The following MAGI1 variants were observed in gnomAD, a reference collection of about 807,000 sequenced individuals.
MAGI1 encodes membrane-associated guanylate kinase, WW and PDZ domain-containing protein 1.
A neutral mutation model predicts 139.9 loss-of-function variants in MAGI1; 58 were observed. That is an observed-to-expected ratio of 0.41 (90% CI 0.34 to 0.52). The LOEUF (loss-of-function observed/expected upper bound fraction) is 0.52, where lower values mean the gene tolerates loss of function less well. Among genes scored for constraint, MAGI1 ranks in the 20% least tolerant of loss-of-function variants. MAGI1 has a pLI of 0.12. For missense variants in MAGI1, 1,874 were observed against 1,901.6 expected (o/e 0.99, Z 0.27); for synonymous variants, 812 against 737.9 (o/e 1.10, Z -1.63).
intron 1 of MAGI1, among the ~76,000 whole-genome samples, chr3:65,985,500 T>C (rs575508632): frequency 5.9e-5 from 9 of 152,336 alleles, no homozygotes; most frequent in African/African-American, 1.4e-4. Flanking sequence ...TCAAGTCTCA[T>C]TGAAAATTCC....
chr3:66,001,176 G>C (rs1248659620), intron 1 of MAGI1, among the ~76,000 whole-genome samples: 1 of 152,114 alleles, frequency 6.6e-6, no homozygotes, highest in Non-Finnish European at 1.5e-5. Flanking sequence ...TCAAGGCCAT[G>C]GTATTTGAGC....
At chr3:65,691,297 C>T (rs1206245441) in intron 1 of MAGI1, among the ~76,000 whole-genome samples, 19 of 75,806 alleles carry the variant, frequency 2.5e-4, no homozygotes, top group East Asian at 5.8e-4. Flanking sequence ...AGCAAGACTC[C>T]GTCTCAAAAA....
intron 1 of MAGI1, among the ~76,000 whole-genome samples, chr3:65,950,068 A>AAC (rs2063738220): frequency 2.1e-4 from 1 of 4,824 alleles, no homozygotes; most frequent in Non-Finnish European, 8.7e-4. Flanking sequence ...ACAAAAAAAC[A>AAC]AAAAAAAAAC....
At chr3:65,868,525 T>A (rs754180322) in intron 1 of MAGI1, among the ~76,000 whole-genome samples, 93 of 152,146 alleles carry the variant, frequency 6.1e-4, no homozygotes, top group Non-Finnish European at 1.1e-3. Flanking sequence ...TGCCTTAGTG[T>A]CTCATTGTAT....
chr3:65,504,575 G>C (rs2107714583), intron 2 of MAGI1, among the ~76,000 whole-genome samples: 1 of 152,300 alleles, frequency 6.6e-6, no homozygotes, highest in Non-Finnish European at 1.5e-5. Context: ...GGATAAACTA[G>C]TGGAGGAGCG....
intron 1 of MAGI1, among the ~76,000 whole-genome samples, chr3:65,865,375 C>T (rs2059687996): frequency 2.0e-5 from 3 of 152,078 alleles, no homozygotes; most frequent in Admixed American, 2.0e-4. Context: ...ACGAGGCAAT[C>T]GCTTGAGCTG....
At chr3:65,577,551 A>G (rs187841421) in intron 2 of MAGI1, among the ~76,000 whole-genome samples, 3 of 152,230 alleles carry the variant, frequency 2.0e-5, no homozygotes, top group South Asian at 2.1e-4. Flanking sequence ...TGTCACCCCA[A>G]TCCTGGCCCT....
intron 1 of MAGI1, among the ~76,000 whole-genome samples, chr3:65,800,888 G>A (rs889539851): frequency 3.3e-5 from 5 of 151,950 alleles, no homozygotes; most frequent in South Asian, 2.1e-4. Flanking sequence ...AATTAATTGT[G>A]GTTTTCGCCA....
At chr3:65,745,586 T>C (rs980111755) in intron 1 of MAGI1, among the ~76,000 whole-genome samples, 3 of 152,254 alleles carry the variant, frequency 2.0e-5, no homozygotes, top group Non-Finnish European at 2.9e-5. Context: ...TGTAATTCCT[T>C]ACCTGAAAAA....
At chr3:65,905,251 A>G (rs900959239) in intron 1 of MAGI1, among the ~76,000 whole-genome samples, 1 of 152,280 alleles carries the variant, frequency 6.6e-6, no homozygotes, top group African/African-American at 2.4e-5. Context: ...CTTATTTCCC[A>G]AAGTATCAAA....
chr3:65,399,271 T>C (rs1014067572), intron 13 of MAGI1, among the ~76,000 whole-genome samples: 2 of 152,168 alleles, frequency 1.3e-5, no homozygotes, highest in Admixed American at 6.5e-5. Flanking sequence ...CCAGCTTCCC[T>C]GTGAATTCCC....
At chr3:65,992,867 C>T (rs1375080449) in intron 1 of MAGI1, among the ~76,000 whole-genome samples, 5 of 152,106 alleles carry the variant, frequency 3.3e-5, no homozygotes, top group Non-Finnish European at 7.3e-5. Context: ...ACTCTCTCAC[C>T]TAGGCTGGAG....
chr3:65,431,984 ACT>A (rs1386759579), intron 10 of MAGI1, among the ~76,000 whole-genome samples: 1 of 152,052 alleles, frequency 6.6e-6, no homozygotes, highest in African/African-American at 2.4e-5. Flanking sequence ...CAAGAGCAAA[ACT>A]CTGTCTCAAA....
At chr3:65,985,591 G>A (rs1281454939) in intron 1 of MAGI1, among the ~76,000 whole-genome samples, 1 of 152,164 alleles carries the variant, frequency 6.6e-6, no homozygotes, top group Admixed American at 6.5e-5. Flanking sequence ...TTCTTAAGTG[G>A]AAATCTCTCG....
At chr3:65,798,235 C>T (rs1248035026) in intron 1 of MAGI1, among the ~76,000 whole-genome samples, 4 of 150,598 alleles carry the variant, frequency 2.7e-5, no homozygotes, top group East Asian at 3.9e-4. Context: ...ACCCGGGAGA[C>T]GGAGCTTGCC....
intron 12 of MAGI1, among the ~76,000 whole-genome samples, chr3:65,414,074 TG>T (rs1214235132): frequency 6.6e-6 from 1 of 152,244 alleles, no homozygotes; most frequent in African/African-American, 2.4e-5. Context: ...TATTTCCTAC[TG>T]TTTATTTATT....
intron 1 of MAGI1, among the ~76,000 whole-genome samples, chr3:65,813,267 G>A (rs550843661): frequency 1.1e-4 from 17 of 152,116 alleles, no homozygotes; most frequent in South Asian, 2.1e-4. Flanking sequence ...GCATGGATTG[G>A]GTGAGGCCTG....
intron 1 of MAGI1, among the ~76,000 whole-genome samples, chr3:65,689,832 C>T (rs544571204): frequency 1.4e-4 from 22 of 152,294 alleles, no homozygotes; most frequent in Admixed American, 2.6e-4. Flanking sequence ...CTTTTTAATT[C>T]AATTCACAGG....
At chr3:65,920,764 C>T (rs1377587132) in intron 1 of MAGI1, among the ~76,000 whole-genome samples, 1 of 152,230 alleles carries the variant, frequency 6.6e-6, no homozygotes, top group Non-Finnish European at 1.5e-5. Flanking sequence ...GGCGCAGTGG[C>T]TCACGCCTGT....
Sources: allele counts gnomAD v4.1 joint callset (sites outside exome capture counted in the v4.1 genomes callset), GRCh38; gene constraint gnomAD v4.1.1; transcripts MANE v1.5; gene names NCBI Gene and HGNC (gene_info 2026-07-23, HGNC 2026-07-21).